Variants in XPO7 observed in about 807,000 individuals in gnomAD.
XPO7 encodes the protein exportin 7, also known as exportin-7.
Under a neutral mutation model 144.3 loss-of-function variants are expected in XPO7, and 21 were observed. The observed-to-expected ratio is 0.15, with a 90% CI of 0.10 to 0.21. The LOEUF (loss-of-function observed/expected upper bound fraction) is 0.21. Among genes scored for constraint, XPO7 ranks in the 10% least tolerant of loss-of-function variants. The pLI is 1.00. For synonymous variants in XPO7, 580 were observed against 499.6 expected (o/e 1.16, Z -2.15); for missense variants, 808 against 1,325.8 (o/e 0.61, Z 6.06).
intron 23 of XPO7, 37 bp downstream of exon 23, chr8:21,999,342 C>T: frequency 1.2e-6 from 2 of 1,608,128 alleles, no homozygotes; most frequent in African/African-American, 1.3e-5. Flanking sequence ...TCTTGTTCCT[C>T]ATCACATTCA....
At chr8:21,991,804 C>T in intron 18 of XPO7, 64 bp from the exon 19 acceptor site, 1 of 1,320,190 alleles carries the variant, frequency 7.6e-7, no homozygotes, top group Non-Finnish European at 1.0e-6. Flanking sequence ...ATCCCATCTT[C>T]CCATATATGC....
chr8:21,942,953 C>T (rs1160489912), intron 1 of XPO7, among the ~76,000 whole-genome samples: 1 of 152,200 alleles, frequency 6.6e-6, no homozygotes, highest in Non-Finnish European at 1.5e-5. Context: ...TCCCAGTGCA[C>T]TTTGATGCTA....
chr8:21,967,204 A>G (rs943402824), intron 2 of XPO7, among the ~76,000 whole-genome samples: 11 of 152,364 alleles, frequency 7.2e-5, no homozygotes, highest in Middle Eastern at 3.4e-3. Flanking sequence ...CTCTTTGAAC[A>G]TGCATTTCTG....
intron 11 of XPO7, among the ~76,000 whole-genome samples, chr8:21,984,183 A>G (rs1008038690): frequency 2.6e-5 from 4 of 152,184 alleles, no homozygotes; most frequent in Non-Finnish European, 4.4e-5. Flanking sequence ...AAGCCCATCA[A>G]GGGTTTTATA....
Position 21,949,370 on chromosome 8 carries a change from A to G in XPO7, c.19-17487A>G, listed in dbSNP as rs1184457509. Among the ~76,000 whole-genome samples, 4 of 152,162 alleles carry G rather than the reference A, an allele frequency of 2.6e-5. No individual in the cohort carries two copies. In the East Asian group the frequency reaches 7.7e-4, roughly 29 times the overall value. ...CCTGCCTAGAGGCAGTTGCCCATAT[A>G]GCTGCCCTTGTCTGAAGCCTACATA... On this transcript the variant is annotated intron_variant, in intron 1 of 27. Coordinates refer to ENST00000252512, the MANE Select transcript of XPO7 (RefSeq NM_015024.5).
intron 1 of XPO7, 128 bp from the exon 2 acceptor site, chr8:21,966,729 G>A (rs1811897222): frequency 7.7e-7 from 1 of 1,306,402 alleles, no homozygotes; most frequent in Non-Finnish European, 1.0e-6. Flanking sequence ...TGTTACCCAG[G>A]TTCTCCTCAG....
chr8:21,927,538 C>CTTTT (rs576510771), intron 1 of XPO7, among the ~76,000 whole-genome samples: 10 of 120,556 alleles, frequency 8.3e-5, no homozygotes, highest in African/African-American at 1.1e-4. Flanking sequence ...AAAAACCAAC[C>CTTTT]TTTTTTTTTT....
chr8:21,983,595 C>A, intron 11 of XPO7, among the ~76,000 whole-genome samples: 1 of 152,198 alleles, frequency 6.6e-6, no homozygotes, highest in East Asian at 1.9e-4. Context: ...CTTCTTCTGT[C>A]ACCTCCATAG....
intron 25 of XPO7, 106 bp from the exon 26 acceptor site, chr8:22,003,113 C>T: frequency 1.4e-6 from 1 of 716,954 alleles, no homozygotes; most frequent in Non-Finnish European, 2.2e-6. Context: ...TTACCCTATA[C>T]AGAAAAGGCC....
rs552064038 is a variant in XPO7, at chr8:21,965,671, T to G, written c.19-1186T>G. 2.0e-5 allele frequency among the ~76,000 whole-genome samples: 3 copies of G among 152,306 alleles called. No homozygotes were observed. The South Asian group carries it at 6.2e-4, about 32-fold the overall frequency. On this transcript the variant is annotated intron_variant, in intron 1 of 27. Coordinates refer to ENST00000252512, the MANE Select transcript of XPO7 (RefSeq NM_015024.5). ...TTTCCTTTCAGTTAGTGTTGGAAATTTATTAATCAGGTTGAGTAAAATATG... is the reference window on the plus strand; with the variant it reads ...TTTCCTTTCAGTTAGTGTTGGAAATGTATTAATCAGGTTGAGTAAAATATG...
intron 1 of XPO7, among the ~76,000 whole-genome samples, chr8:21,924,887 A>G (rs1488539471): frequency 1.3e-5 from 2 of 152,224 alleles, no homozygotes; most frequent in Admixed American, 6.5e-5. Flanking sequence ...AGGATGATTA[A>G]TGGTGACCAC....
chr8:21,993,998 G>T (rs1812857078), intron 19 of XPO7, among the ~76,000 whole-genome samples: 1 of 144,688 alleles, frequency 6.9e-6, no homozygotes, highest in Non-Finnish European at 1.5e-5. Flanking sequence ...TCCTCCCTGG[G>T]TGGACTCAAA....
chr8:21,933,978 A>G (rs1299994235), intron 1 of XPO7, among the ~76,000 whole-genome samples: 1 of 152,230 alleles, frequency 6.6e-6, no homozygotes, highest in Non-Finnish European at 1.5e-5. Context: ...TGTTGTTAGC[A>G]TAATGAAAGA....
Position 22,002,224 on chromosome 8 carries a change from C to T in XPO7, c.2895C>T (p.Ser965=), listed in dbSNP as rs760207979. The part of the protein sequence containing the change: ...KKRTTPLNQE[S]DRFLHIMQQH... The stretch of plus-strand genomic sequence containing the variant: ...GGACCACACCCCTGAACCAGGAGAG[C>T]GACCGCTTTCTGCACATCATGCAGC... The change falls in exon 25 of 28, where the codon AGC becomes AGT. Residue 965 remains serine, a synonymous_variant. Transcript: ENST00000252512. 6.8e-6 allele frequency: 11 copies of T among 1,613,246 alleles called. No individual in the cohort carries two copies. Among genetic ancestry groups the T allele is most frequent in the East Asian group, 2.2e-5 (1 of 44,872 alleles).
intron 23 of XPO7, 109 bp from the exon 24 acceptor site, chr8:21,999,427 A>C: frequency 1.3e-6 from 2 of 1,572,398 alleles, no homozygotes; most frequent in African/African-American, 2.7e-5. Flanking sequence ...TGCTCTAACT[A>C]AGTCTTCTGT....
chr8:21,925,059 C>G (rs527444431), intron 1 of XPO7, among the ~76,000 whole-genome samples: 1 of 152,280 alleles, frequency 6.6e-6, no homozygotes, highest in African/African-American at 2.4e-5. Context: ...GTCGACATGT[C>G]CCTGAATGGG....
chr8:21,943,872 TGTGCCGGAGAGA>T (rs1170513294), intron 1 of XPO7, among the ~76,000 whole-genome samples: 1 of 152,194 alleles, frequency 6.6e-6, no homozygotes, highest in Non-Finnish European at 1.5e-5. Context: ...AATTCAAAGT[TGTGCCGGAGAGA>T]GTAGTATGAT....
rs1170364778 is a variant in XPO7 at position 21,989,821 on chromosome 8, C to CTTTTTTT, written c.1869-483_1869-477dup. On this transcript the variant is annotated intron_variant, in intron 16 of 27. Coordinates refer to ENST00000252512, the MANE Select transcript of XPO7 (RefSeq NM_015024.5). ...AATAGGAGTTTGGTATAGGTGTTTC[C>CTTTTTTT]TTTTTTTTTTTTTTTTTTTTTTTTT... Among the ~76,000 whole-genome samples, 457 of 59,706 alleles carry CTTTTTTT rather than the reference C, an allele frequency of 7.7e-3. 141 individuals carry two copies. Among genetic ancestry groups the CTTTTTTT allele is most frequent in the Non-Finnish European group, 0.013 (364 of 27,886 alleles). The allele number at this position is 59,706 out of a possible 152,430, so 39.2% of individuals were successfully genotyped here.
At chr8:21,948,096 A>G (rs1158380633) in intron 1 of XPO7, among the ~76,000 whole-genome samples, 1 of 152,196 alleles carries the variant, frequency 6.6e-6, no homozygotes, top group Non-Finnish European at 1.5e-5. Flanking sequence ...CCAAATTTGT[A>G]ATACCTCTTA....
Sources: gnomAD v4.1 joint callset for allele counts (sites outside exome capture counted in the v4.1 genomes callset) on GRCh38, gnomAD v4.1.1 for gene constraint, MANE v1.5 for transcripts, NCBI Gene and HGNC (gene_info 2026-07-23, HGNC 2026-07-21) for gene names.